The following CSMD1 variants were observed in gnomAD, a reference collection of about 807,000 sequenced individuals.
The protein encoded by CSMD1 is CUB and sushi domain-containing protein 1.
A neutral mutation model predicts 417.5 loss-of-function variants in CSMD1; 213 were observed. The observed-to-expected ratio is 0.51, with a 90% CI of 0.46 to 0.57. The LOEUF (loss-of-function observed/expected upper bound fraction) is 0.57, where lower values mean the gene tolerates loss of function less well. CSMD1 is among the 20% of genes least tolerant of loss of function. CSMD1 has a pLI of 0.00. For missense variants in CSMD1, 6,923 were observed against 4,529.7 expected (o/e 1.53, Z -15.17); for synonymous variants, 2,862 against 1,736.8 (o/e 1.65, Z -16.11).
chr8:3,190,174 C>A, intron 33 of CSMD1, 59 bp from the exon 34 acceptor site: 2 of 1,347,176 alleles, frequency 1.5e-6, no homozygotes, highest in South Asian at 1.3e-5. Context: ...CAGGACGTTG[C>A]GTGGAACGTG....
chr8:3,527,631 G>A (rs1049501863), intron 10 of CSMD1, among the ~76,000 whole-genome samples: 4 of 152,088 alleles, frequency 2.6e-5, no homozygotes, highest in Non-Finnish European at 5.9e-5. Context: ...TGAATCTGGT[G>A]AAATCTCAAA....
chr8:3,304,801 G>C (rs936700092), intron 25 of CSMD1, among the ~76,000 whole-genome samples: 14 of 151,780 alleles, frequency 9.2e-5, no homozygotes, highest in South Asian at 2.1e-4. Context: ...CCATGACTTG[G>C]TTTGCATTTA....
At chr8:4,526,807 C>A (rs1450206131) in intron 2 of CSMD1, among the ~76,000 whole-genome samples, 1 of 152,130 alleles carries the variant, frequency 6.6e-6, no homozygotes, top group Non-Finnish European at 1.5e-5. Flanking sequence ...GATACTCTAA[C>A]CCTGGAGAAT....
intron 1 of CSMD1, among the ~76,000 whole-genome samples, chr8:4,954,339 A>G (rs939030655): frequency 3.9e-5 from 6 of 152,158 alleles, no homozygotes; most frequent in East Asian, 1.9e-4. Context: ...TAAAAAGGTG[A>G]TATTTCCATT....
chr8:4,872,753 T>C (rs539274747), intron 1 of CSMD1, among the ~76,000 whole-genome samples: 12 of 152,256 alleles, frequency 7.9e-5, no homozygotes, highest in East Asian at 3.9e-4. Context: ...AATTAAAAGA[T>C]ATCTTGCACA....
At chr8:4,205,289 C>T (rs1292589601) in intron 3 of CSMD1, among the ~76,000 whole-genome samples, 1 of 152,052 alleles carries the variant, frequency 6.6e-6, no homozygotes, top group Non-Finnish European at 1.5e-5. Context: ...TACAATAGTT[C>T]CTTGAAAAAG....
chr8:3,925,419 A>G (rs764479452), intron 5 of CSMD1, among the ~76,000 whole-genome samples: 5 of 152,214 alleles, frequency 3.3e-5, no homozygotes, highest in South Asian at 2.1e-4. Context: ...GATGAAAGAA[A>G]TAATATTTAA....
At chr8:3,712,016 C>T (rs935468452) in intron 6 of CSMD1, among the ~76,000 whole-genome samples, 14 of 152,280 alleles carry the variant, frequency 9.2e-5, no homozygotes, top group East Asian at 3.9e-4. Flanking sequence ...TAATAAATTT[C>T]GTACTCTTGC....
chr8:3,407,356 G>A (rs1258793174), intron 14 of CSMD1, among the ~76,000 whole-genome samples: 1 of 151,796 alleles, frequency 6.6e-6, no homozygotes, highest in Non-Finnish European at 1.5e-5. Flanking sequence ...ATGGATGGAT[G>A]GAAAGATGGA....
intron 3 of CSMD1, among the ~76,000 whole-genome samples, chr8:4,090,044 T>C (rs1361181745): frequency 6.6e-6 from 1 of 152,242 alleles, no homozygotes; most frequent in Non-Finnish European, 1.5e-5. Context: ...TATTGATTTA[T>C]CATAGGACAT....
chr8:3,213,984 C>G (rs935434555), intron 30 of CSMD1, among the ~76,000 whole-genome samples: 1 of 151,720 alleles, frequency 6.6e-6, no homozygotes, highest in Non-Finnish European at 1.5e-5. Flanking sequence ...TAGCTGGGAT[C>G]ACAGGCACGC....
At chr8:4,747,491 T>C (rs1218155474) in intron 1 of CSMD1, among the ~76,000 whole-genome samples, 1 of 152,162 alleles carries the variant, frequency 6.6e-6, no homozygotes, top group Non-Finnish European at 1.5e-5. Context: ...CCCTCCTAAG[T>C]AGAGAAACAT....
intron 4 of CSMD1, among the ~76,000 whole-genome samples, chr8:4,000,478 C>T (rs12680867): frequency 0.13 from 19,748 of 152,224 alleles, 1,591 homozygotes; most frequent in East Asian, 0.33. Flanking sequence ...GTGGCTACTA[C>T]TGAGATTCAG....
At chr8:3,333,236 C>A (rs1467716081) in intron 23 of CSMD1, among the ~76,000 whole-genome samples, 1 of 152,146 alleles carries the variant, frequency 6.6e-6, no homozygotes, top group Non-Finnish European at 1.5e-5. Context: ...TGAGAGAAGA[C>A]CCAGCCAAGC....
intron 2 of CSMD1, among the ~76,000 whole-genome samples, chr8:4,585,704 G>A (rs1799664972): frequency 1.3e-5 from 2 of 152,138 alleles, no homozygotes; most frequent in Non-Finnish European, 2.9e-5. Flanking sequence ...GGTAATGAAT[G>A]CTGTCTTTAA....
chr8:4,140,105 C>T (rs571254622), intron 3 of CSMD1, among the ~76,000 whole-genome samples: 1 of 151,082 alleles, frequency 6.6e-6, no homozygotes, highest in Admixed American at 6.6e-5. Context: ...ATAGTCCTAA[C>T]ACTTTTGGAG....
intron 53 of CSMD1, among the ~76,000 whole-genome samples, chr8:2,999,559 G>A (rs1456048006): frequency 2.6e-5 from 4 of 152,190 alleles, no homozygotes; most frequent in Non-Finnish European, 2.9e-5. Context: ...AGGGAGTGCC[G>A]CTGTTTCTAG....
rs1458757543 is a variant in CSMD1 at position 3,964,452 on chromosome 8, A to T, written c.818+33451T>A. ...CCTTAATCAGCCAGTGGAAGGAGAC[A>T]CAGGTGCTGGTATGCCTCATTTTGC... On this transcript the variant is annotated intron_variant, in intron 5 of 69. Coordinates refer to ENST00000635120, the MANE Select transcript of CSMD1 (RefSeq NM_033225.6). Among the ~76,000 whole-genome samples, 3 of 152,150 alleles carry T rather than the reference A, an allele frequency of 2.0e-5. No individual in the cohort carries two copies. In the East Asian group the frequency reaches 5.8e-4, roughly 29 times the overall value.
intron 3 of CSMD1, among the ~76,000 whole-genome samples, chr8:4,191,888 A>G (rs710261): frequency 0.95 from 144,978 of 152,254 alleles, 69,073 homozygotes; most frequent in East Asian, 1. Context: ...ATTTGACAAC[A>G]ATTCAAAGAT....
Sources: gnomAD v4.1 joint callset for allele counts (sites outside exome capture counted in the v4.1 genomes callset) on GRCh38, gnomAD v4.1.1 for gene constraint, MANE v1.5 for transcripts, NCBI Gene and HGNC (gene_info 2026-07-23, HGNC 2026-07-21) for gene names.